Variants in ADPRHL1 observed in about 807,000 individuals in gnomAD.
ADPRHL1 encodes the protein ADP-ribosylhydrolase like 1.
A neutral mutation model predicts 44.1 loss-of-function variants in ADPRHL1; 43 were observed. The observed-to-expected ratio is 0.98, with a 90% CI of 0.76 to 1.26. The LOEUF (loss-of-function observed/expected upper bound fraction) is 1.26. Ranked by LOEUF, ADPRHL1 falls within the 50% of genes most tolerant of loss-of-function variation. ADPRHL1 has a pLI of 0.00. For missense variants in ADPRHL1, 2,022 were observed against 2,496.9 expected, an observed-to-expected ratio of 0.81 and a Z score of 4.05; for synonymous variants, 878 against 1,017.4, an observed-to-expected ratio of 0.86 and a Z score of 2.61.
chr13:113,430,157 C>A (rs1219098749), intron 3 of ADPRHL1, among the ~76,000 whole-genome samples: 1 of 152,186 alleles, frequency 6.6e-6, no homozygotes, highest in Non-Finnish European at 1.5e-5. Context: ...AGGCTCCCAT[C>A]CACCATTGCA....
At position 113,405,413 on chromosome 13, in the gene ADPRHL1, G is replaced by A; in HGVS notation, c.3869C>T (p.Pro1290Leu). Reference protein sequence around the residue: ...PSYGPGLPPSPPENPQAKGRE... With the variant: ...PSYGPGLPPSLPENPQAKGRE... Reference sequence around the variant, plus strand: ...GCCCTTTGCCTGTGGGTTCTCAGGAGGCGACGGCGGGAGGCCAGGGCCATA... The same window carrying A: ...GCCCTTTGCCTGTGGGTTCTCAGGAAGCGACGGCGGGAGGCCAGGGCCATA... The change falls in exon 8 of 8, where the codon CCT becomes CTT. Residue 1290 changes from proline to leucine, a missense_variant. Physicochemically the swap from Pro to Leu is moderately conservative, Grantham distance 98. Transcript: ENST00000612156. The A allele has an allele frequency of 8.1e-7, 1 of 1,231,998 alleles. No homozygotes were observed. The highest frequency in any genetic ancestry group is 1.0e-6 in the Non-Finnish European group (1 of 988,162). 76.3% of individuals were successfully genotyped at this position (1,231,998 alleles called of 1,614,324 possible). A position where few individuals can be genotyped will look rare whatever the true frequency, so the allele number is the denominator to read the frequency against.
rs77555956 is a variant in ADPRHL1, at chr13:113,435,235, T to C, written c.380-1368A>G. On this transcript the variant is annotated intron_variant, in intron 2 of 7. Transcript: ENST00000612156. The stretch of plus-strand genomic sequence containing the variant: ...TGTACCCCGGGACCCAGCACCCAGG[T>C]GTAGAGTGAACACAGGTGTACCCCG... Among the ~76,000 whole-genome samples, 14 of 13,130 alleles carry C rather than the reference T, an allele frequency of 1.1e-3. 1 individual carries two copies. The highest frequency in any genetic ancestry group is 1.4e-3 in the African/African-American group (7 of 5,084). The allele number at this position is 13,130 out of a possible 152,430, so 8.6% of individuals were successfully genotyped here.
In ADPRHL1 at chr13:113,441,030, G is replaced by A. The variant is rs965848087; in HGVS notation, c.379+3395C>T. On this transcript the variant is annotated intron_variant, in intron 2 of 7. Transcript: ENST00000612156. This position sits in a 1 kb window ranked among gnomAD's most constrained non-coding sequence, Gnocchi z 6.0. The stretch of plus-strand genomic sequence containing the variant: ...TAGCCAGGTGTGGTGGTGGGCGCCC[G>A]TAGTCCCAGCTACTTGGGAGGTGGA... Among the ~76,000 whole-genome samples the A allele has an allele frequency of 3.3e-5, 5 of 152,204 alleles. No individual in the cohort carries two copies. The highest frequency in any genetic ancestry group is 2.1e-4 in the South Asian group (1 of 4,822).
In ADPRHL1 at chr13:113,432,017, C is replaced by T. The variant is rs183020811; in HGVS notation, c.505+1725G>A. 5.3e-5 allele frequency among the ~76,000 whole-genome samples: 8 copies of T among 152,250 alleles called. No individual in the cohort carries two copies. In the East Asian group the frequency reaches 5.8e-4, roughly 11 times the overall value. ...ACAGGCGTGAGCCACCGCGCCTGGC[C>T]GTGAAATAATTTTTAAAATATGAGT... On this transcript the variant is annotated intron_variant, in intron 3 of 7. Transcript: ENST00000612156.
In ADPRHL1 at chr13:113,453,332, C is replaced by A; in HGVS notation, c.106G>T (p.Glu36Ter). 6.2e-7 allele frequency: 1 copy of A among 1,614,216 alleles called. No individual in the cohort carries two copies. The highest frequency in any genetic ancestry group is 8.5e-7 in the Non-Finnish European group (1 of 1,180,038). ...TCCAGGCCCCCGGAACGTTGCAGCT[C>A]CTCCTGGATCTTCATGCCTACAGTG... is the stretch of plus-strand genomic sequence containing the variant. ...NSTVGMKIQE[E>*]LQRSGGLDHL... Residue 36 changes from glutamate to a stop codon, truncating the protein, a stop_gained, in exon 1 of 8, where the codon GAG (glutamate) becomes TAG (stop). Coordinates refer to ENST00000612156, the MANE Select transcript of ADPRHL1 (RefSeq NM_001394807.1). LOFTEE classifies it high-confidence loss of function. The surrounding 1 kb of genome is among the most constrained non-coding windows in gnomAD (Gnocchi z 5.4).
rs1302198140 is a variant in ADPRHL1, at chr13:113,403,324, C to T, written c.*54G>A. On this transcript the variant is annotated 3_prime_UTR_variant, in exon 8 of 8. Coordinates refer to ENST00000612156, the MANE Select transcript of ADPRHL1 (RefSeq NM_001394807.1). Reference sequence around the variant, plus strand: ...TGGAGGCAGGAAAATGCCTGAAGTCCCTCAATGGGCGGATGTCACAGTGCT... The same window carrying T: ...TGGAGGCAGGAAAATGCCTGAAGTCTCTCAATGGGCGGATGTCACAGTGCT... The T allele has an allele frequency of 1.6e-6, 2 of 1,227,144 alleles. No homozygotes were observed. Among genetic ancestry groups the T allele is most frequent in the Non-Finnish European group, 2.0e-6 (2 of 983,944 alleles). The allele number at this position is 1,227,144 out of a possible 1,614,324, so 76.0% of individuals were successfully genotyped here.
At chr13:113,416,157 G>C (rs1358440698) in intron 7 of ADPRHL1, among the ~76,000 whole-genome samples, 1 of 151,566 alleles carries the variant, frequency 6.6e-6, no homozygotes, top group Non-Finnish European at 1.5e-5. Flanking sequence ...GCTCCCTGTT[G>C]ATTTTTTGTA....
chr13:113,432,783 A>G (rs990933500), intron 3 of ADPRHL1, among the ~76,000 whole-genome samples: 1 of 152,204 alleles, frequency 6.6e-6, no homozygotes, highest in Non-Finnish European at 1.5e-5. Context: ...AGCAGATACC[A>G]AAAGGTAATC....
At chr13:113,416,158 A>G (rs1177993965) in intron 7 of ADPRHL1, among the ~76,000 whole-genome samples, 1 of 151,482 alleles carries the variant, frequency 6.6e-6, no homozygotes, top group Non-Finnish European at 1.5e-5. Flanking sequence ...CTCCCTGTTG[A>G]TTTTTTGTAA....
Position 113,403,078 on chromosome 13 carries a change from T to G in ADPRHL1, c.*300A>C. 4.3e-6 allele frequency: 1 copy of G among 233,050 alleles called. No homozygotes were observed. The highest frequency in any genetic ancestry group is 8.2e-6 in the Non-Finnish European group (1 of 122,108). 14.4% of individuals were successfully genotyped at this position (233,050 alleles called of 1,614,324 possible). A position where few individuals can be genotyped will look rare whatever the true frequency, so the allele number is the denominator to read the frequency against. On this transcript the variant is annotated 3_prime_UTR_variant, in exon 8 of 8. Transcript: ENST00000612156. ...TGTGAGCTCCACGCTGCAGGCTGTG[T>G]GAGAGAGGGGTGAGCCGGCGCCCCC...
intron 2 of ADPRHL1, among the ~76,000 whole-genome samples, chr13:113,436,939 C>T (rs375920472): frequency 3.4e-5 from 5 of 145,518 alleles, no homozygotes; most frequent in Admixed American, 2.1e-4. Flanking sequence ...AGGTGTACCC[C>T]GGGACCCAGC....
At chr13:113,435,187 C>T (rs1229594056) in intron 2 of ADPRHL1, among the ~76,000 whole-genome samples, 22 of 27,154 alleles carry the variant, frequency 8.1e-4, no homozygotes, top group Non-Finnish European at 1.6e-3. Context: ...TGACCCAGCA[C>T]CGAGGCGTAG....
At chr13:113,412,238 C>G (rs552306651) in intron 7 of ADPRHL1, among the ~76,000 whole-genome samples, 3 of 152,136 alleles carry the variant, frequency 2.0e-5, no homozygotes, top group Admixed American at 1.3e-4. Flanking sequence ...ACTGCAGTGG[C>G]GCGATCTCGA....
intron 6 of ADPRHL1, among the ~76,000 whole-genome samples, chr13:113,423,731 G>A (rs971064844): frequency 1.3e-5 from 2 of 152,242 alleles, no homozygotes; most frequent in East Asian, 1.9e-4. Flanking sequence ...GAGCCAGCAC[G>A]GATGGAGCAG....
chr13:113,418,702 C>T (rs1027999270), intron 7 of ADPRHL1, among the ~76,000 whole-genome samples: 6 of 152,122 alleles, frequency 3.9e-5, no homozygotes, highest in Non-Finnish European at 5.9e-5. Context: ...CAAGTCCTGG[C>T]TTCAGAGCTC....
At chr13:113,414,278 G>T (rs886895309) in intron 7 of ADPRHL1, among the ~76,000 whole-genome samples, 1 of 152,192 alleles carries the variant, frequency 6.6e-6, no homozygotes, top group Admixed American at 6.5e-5. Flanking sequence ...GGGACACTTG[G>T]ATGCCCTCGG....
intron 7 of ADPRHL1, among the ~76,000 whole-genome samples, chr13:113,412,715 CT>C (rs2043861949): frequency 6.7e-6 from 1 of 148,332 alleles, no homozygotes; most frequent in Non-Finnish European, 1.5e-5. Context: ...GCCCCGGAGG[CT>C]CAGTTCACCC....
rs1044867731 is a variant in ADPRHL1 at position 113,399,672 on chromosome 13, A to C, written c.*3706T>G. 1 of 152,130 alleles carries C rather than the reference A, an allele frequency of 6.6e-6. No individual in the cohort carries two copies. The highest frequency in any genetic ancestry group is 1.5e-5 in the Non-Finnish European group (1 of 67,984). 9.4% of individuals were successfully genotyped at this position (152,130 alleles called of 1,614,324 possible). On this transcript the variant is annotated 3_prime_UTR_variant, in exon 8 of 8. Transcript: ENST00000612156. The stretch of plus-strand genomic sequence containing the variant: ...TTCCAGCTGAATGATGTTAGTAAAA[A>C]TACAGAGAGAATACAACAAATGACA...
rs140024846 is a variant in ADPRHL1 at position 113,453,354 on chromosome 13, A to G, written c.84T>C (p.Thr28=). 2.2e-4 allele frequency: 363 copies of G among 1,614,048 alleles called. 1 individual carries two copies. Among genetic ancestry groups the G allele is most frequent in the Non-Finnish European group, 3.0e-4 (353 of 1,180,038 alleles). Residue 28 remains threonine, a synonymous_variant, in exon 1 of 8, where the codon ACT becomes ACC. Transcript: ENST00000612156. The surrounding 1 kb of genome is among the most constrained non-coding windows in gnomAD (Gnocchi z 5.4). ...GCTCCTCCTGGATCTTCATGCCTAC[A>G]GTGCTGTTCTCCTTGCAGACATTTC... ...GYRNVCKENS[T]VGMKIQEELQ...
Sources: gnomAD v4.1 joint callset for allele counts (sites outside exome capture counted in the v4.1 genomes callset) on GRCh38, gnomAD v4.1.1 for gene constraint, Gnocchi (gnomAD v3.1) non-coding constraint, MANE v1.5 for transcripts, NCBI Gene and HGNC (gene_info 2026-07-23, HGNC 2026-07-21) for gene names.